SLC41A2: variants seen among roughly 807,000 people sequenced by gnomAD.
SLC41A2 encodes SLC41A1-like 1.
In SLC41A2, 32 loss-of-function variants were observed where a neutral mutation model predicts 58.3. The observed-to-expected ratio is 0.55, with a 90% CI of 0.41 to 0.74. The LOEUF (loss-of-function observed/expected upper bound fraction) is 0.74. Among genes scored for constraint, SLC41A2 ranks in the 30% least tolerant of loss-of-function variants. The probability of loss-of-function intolerance (pLI) is 0.00; values close to 1 mark genes in which losing one functional copy is unlikely to be tolerated. For synonymous variants in SLC41A2, 190 were observed against 235.0 expected (o/e 0.81, Z 1.75); for missense variants, 514 against 680.6 (o/e 0.76, Z 2.72).
In SLC41A2 at chr12:104,928,123, T is replaced by C. The variant is rs146891870; in HGVS notation, c.405A>G (p.Ile135Met). The change falls in exon 2 of 11, where the codon ATA (isoleucine) becomes ATG (methionine). Residue 135 changes from isoleucine (I) to methionine (M), a missense_variant. Ile to Met is a conservative substitution (Grantham distance 10). Transcript: ENST00000258538. ...ETTAMLQDED[I>M]SSDGDEDAIV... ...TAGCATCTTCATCACCATCACTAGA[T>C]ATATCTTCATCTTGTAACATGGCAG... is the stretch of plus-strand genomic sequence containing the variant. 2.5e-6 allele frequency: 4 copies of C among 1,614,088 alleles called. No individual in the cohort carries two copies. The highest frequency in any genetic ancestry group is 3.4e-6 in the Non-Finnish European group (4 of 1,180,028).
At chr12:104,936,197 A>G (rs904693961) in intron 1 of SLC41A2, among the ~76,000 whole-genome samples, 20 of 152,202 alleles carry the variant, frequency 1.3e-4, no homozygotes, top group Admixed American at 1.3e-3. Flanking sequence ...ACATATATGT[A>G]GTACATAATA....
At chr12:104,882,484 T>C (rs532612688) in intron 6 of SLC41A2, among the ~76,000 whole-genome samples, 1 of 152,194 alleles carries the variant, frequency 6.6e-6, no homozygotes, top group Non-Finnish European at 1.5e-5. Flanking sequence ...GTTTAGTGCT[T>C]CCTTCAGGAG....
chr12:104,868,874 G>C (rs1369534258), intron 6 of SLC41A2, among the ~76,000 whole-genome samples: 1 of 152,128 alleles, frequency 6.6e-6, no homozygotes, highest in Non-Finnish European at 1.5e-5. Flanking sequence ...CTAAGTGAAA[G>C]ATGCCAGACT....
At chr12:104,831,021 G>T (rs1008384023) in intron 10 of SLC41A2, among the ~76,000 whole-genome samples, 1 of 152,010 alleles carries the variant, frequency 6.6e-6, no homozygotes. Context: ...CATTATCCCT[G>T]ATGTATATAG....
At chr12:104,887,760 T>A (rs962805393) in intron 5 of SLC41A2, among the ~76,000 whole-genome samples, 1 of 151,962 alleles carries the variant, frequency 6.6e-6, no homozygotes, top group Non-Finnish European at 1.5e-5. Flanking sequence ...TTAGGAAACG[T>A]GTTTTAGTTC....
chr12:104,831,237 T>TTC (rs925251370), intron 10 of SLC41A2, among the ~76,000 whole-genome samples: 10 of 149,904 alleles, frequency 6.7e-5, no homozygotes, highest in South Asian at 2.1e-4. Context: ...TAAAATCTCT[T>TTC]TCTCTCTCTC....
At position 104,805,039 on chromosome 12, in the gene SLC41A2, G is replaced by T; in HGVS notation, c.*113C>A. On this transcript the variant is annotated 3_prime_UTR_variant, in exon 11 of 11. Transcript: ENST00000258538. ...CCATTTAATTGAATCAGGGCCAACT[G>T]AAGATTACCCTGGCAAAAGTCAAAC... is the stretch of plus-strand genomic sequence containing the variant. 2.2e-6 allele frequency: 2 copies of T among 926,992 alleles called. No individual in the cohort carries two copies. Among genetic ancestry groups the T allele is most frequent in the South Asian group, 4.4e-5 (2 of 45,736 alleles). 57.4% of individuals were successfully genotyped at this position (926,992 alleles called of 1,614,324 possible). A position where few individuals can be genotyped will look rare whatever the true frequency, so the allele number is the denominator to read the frequency against.
chr12:104,879,243 C>T (rs961147611), intron 6 of SLC41A2, among the ~76,000 whole-genome samples: 1 of 152,148 alleles, frequency 6.6e-6, no homozygotes, highest in Non-Finnish European at 1.5e-5. Flanking sequence ...CAAAAATTTT[C>T]TCCCATTCTA....
intron 10 of SLC41A2, among the ~76,000 whole-genome samples, chr12:104,838,857 T>C (rs908159322): frequency 6.6e-6 from 1 of 152,200 alleles, no homozygotes; most frequent in Non-Finnish European, 1.5e-5. Context: ...CTTTTATTTC[T>C]TTTGTACAGT....
chr12:104,934,840 A>G (rs2047198784), intron 1 of SLC41A2, among the ~76,000 whole-genome samples: 1 of 152,202 alleles, frequency 6.6e-6, no homozygotes, highest in Non-Finnish European at 1.5e-5. Flanking sequence ...TTAGAAACAG[A>G]GAGTAGACAG....
chr12:104,892,693 C>A (rs1459191003), intron 4 of SLC41A2, among the ~76,000 whole-genome samples: 14 of 152,054 alleles, frequency 9.2e-5, no homozygotes, highest in Admixed American at 9.2e-4. Flanking sequence ...AAACCAGAAA[C>A]AAATCCATAT....
intron 7 of SLC41A2, among the ~76,000 whole-genome samples, chr12:104,862,801 T>C (rs939425563): frequency 6.6e-6 from 1 of 152,100 alleles, no homozygotes; most frequent in African/African-American, 2.4e-5. Context: ...AGAACACCTA[T>C]ACAACATGTT....
chr12:104,900,979 T>C (rs2045530338), intron 3 of SLC41A2, among the ~76,000 whole-genome samples: 1 of 152,220 alleles, frequency 6.6e-6, no homozygotes, highest in African/African-American at 2.4e-5. Flanking sequence ...ACTGATCTCC[T>C]GGCACACACA....
intron 10 of SLC41A2, among the ~76,000 whole-genome samples, chr12:104,809,837 A>G (rs973275721): frequency 4.1e-4 from 62 of 152,050 alleles, no homozygotes; most frequent in African/African-American, 1.5e-3. Context: ...AGCATAGTGC[A>G]CAGACTGAGA....
chr12:104,805,823 A>G (rs75446722), intron 10 of SLC41A2, among the ~76,000 whole-genome samples: 2 of 152,172 alleles, frequency 1.3e-5, no homozygotes, highest in African/African-American at 4.8e-5. Flanking sequence ...TGCAGTAGTA[A>G]GACCAATAAC....
intron 10 of SLC41A2, among the ~76,000 whole-genome samples, chr12:104,830,534 G>C (rs1483555485): frequency 6.6e-6 from 1 of 152,066 alleles, no homozygotes; most frequent in African/African-American, 2.4e-5. Flanking sequence ...GGAACTCATG[G>C]ATGTGGAGGG....
intron 1 of SLC41A2, among the ~76,000 whole-genome samples, chr12:104,955,064 G>T (rs947888244): frequency 7.7e-5 from 9 of 116,930 alleles, no homozygotes; most frequent in Non-Finnish European, 1.3e-4. Context: ...GTTTTGCTCT[G>T]TGCAGTGGCG....
chr12:104,914,578 T>G (rs1265493320), intron 2 of SLC41A2, among the ~76,000 whole-genome samples: 1 of 152,164 alleles, frequency 6.6e-6, no homozygotes, highest in East Asian at 1.9e-4. Context: ...GACATCATTG[T>G]GTTTCCCTCA....
At chr12:104,875,415 G>A (rs2043996962) in intron 6 of SLC41A2, among the ~76,000 whole-genome samples, 1 of 152,182 alleles carries the variant, frequency 6.6e-6, no homozygotes. Context: ...GGAACTACTG[G>A]TATGTGCCAC....
Sources: allele counts gnomAD v4.1 joint callset (sites outside exome capture counted in the v4.1 genomes callset), GRCh38; gene constraint gnomAD v4.1.1; transcripts MANE v1.5; gene names NCBI Gene and HGNC (gene_info 2026-07-23, HGNC 2026-07-21).